LAMA2: variants seen among roughly 807,000 people sequenced by gnomAD.
The protein encoded by LAMA2 is laminin subunit alpha-2.
Under a neutral mutation model 364.8 loss-of-function variants are expected in LAMA2, and 269 were observed. That is an observed-to-expected ratio of 0.74 (90% CI 0.67 to 0.82). LAMA2 has a LOEUF of 0.82. Ranked by LOEUF, LAMA2 falls within the 40% of genes least tolerant of loss-of-function variation. The pLI is 0.00. For missense variants in LAMA2, 3,807 were observed against 3,873.2 expected (o/e 0.98, Z 0.45); for synonymous variants, 1,379 against 1,370.6 (o/e 1.01, Z -0.14).
chr6:129,049,014 A>G (rs1036927157), intron 1 of LAMA2, among the ~76,000 whole-genome samples: 7 of 152,184 alleles, frequency 4.6e-5, no homozygotes, highest in Non-Finnish European at 1.0e-4. Context: ...CTCCATAAAT[A>G]GAGTCAAATT....
At chr6:129,475,016 C>T (rs1362385731) in intron 52 of LAMA2, among the ~76,000 whole-genome samples, 1 of 152,068 alleles carries the variant, frequency 6.6e-6, no homozygotes, top group African/African-American at 2.4e-5. Context: ...TTTTTACATG[C>T]ATTGTTAAGC....
At chr6:129,475,299 G>T (rs1169360529) in intron 52 of LAMA2, 91 bp from the exon 53 acceptor site, 5 of 793,100 alleles carry the variant, frequency 6.3e-6, no homozygotes, top group Non-Finnish European at 1.0e-5. Context: ...AAAGATTTAT[G>T]ATTAAAGTTT....
chr6:129,505,339 C>T lies in LAMA2; in HGVS notation c.8687C>T (p.Thr2896Ile), dbSNP rs2114901204. Residue 2896 changes from threonine to isoleucine, a missense_variant, in exon 61 of 65, where the codon ACC (threonine) becomes ATC (isoleucine). This residue lies in a region of LAMA2 where 3,333 missense variants were observed against 3,345.7 expected (regional missense o/e 1.00). Coordinates refer to ENST00000421865, the MANE Select transcript of LAMA2 (RefSeq NM_000426.4). ...YVGGLPINYTTRRIGPVTYSI... is the reference protein window; with the variant it reads ...YVGGLPINYTIRRIGPVTYSI... ...GGTGGGTTACCCATCAACTACACTA[C>T]CCGAAGAATTGGTCCAGTAAATATC... 1 of 1,613,198 alleles carries T rather than the reference C, an allele frequency of 6.2e-7. No homozygotes were observed. The highest frequency in any genetic ancestry group is 2.2e-5 in the East Asian group (1 of 44,844).
At chr6:129,250,075 C>G (rs1365591633) in intron 12 of LAMA2, 37 bp from the exon 13 acceptor site, 2 of 1,202,526 alleles carry the variant, frequency 1.7e-6, no homozygotes, top group Non-Finnish European at 2.5e-6. Context: ...TAGCCCATCT[C>G]CTATCCCGTA....
At chr6:128,906,024 C>T (rs1389289616) in intron 1 of LAMA2, among the ~76,000 whole-genome samples, 4 of 149,800 alleles carry the variant, frequency 2.7e-5, no homozygotes, top group Admixed American at 2.0e-4. Context: ...TTTCTTAATC[C>T]AGTCTATCGT....
chr6:129,488,733 C>T (rs1307767294), intron 56 of LAMA2, among the ~76,000 whole-genome samples: 3 of 152,146 alleles, frequency 2.0e-5, no homozygotes, highest in Admixed American at 6.5e-5. Context: ...ATGGCTCATT[C>T]GGCACTCTAA....
intron 12 of LAMA2, among the ~76,000 whole-genome samples, chr6:129,219,944 A>G (rs1168908250): frequency 6.6e-6 from 1 of 151,870 alleles, no homozygotes; most frequent in Non-Finnish European, 1.5e-5. Context: ...CATGGTGCAC[A>G]TGTACCCTAA....
Position 128,890,570 on chromosome 6 carries a change from T to C in LAMA2, c.112+7213T>C, listed in dbSNP as rs568447914. ...ACACACACACACACACACACACACATGCTGCTTATTACTATGTAGACATAT... is the reference window on the plus strand; with the variant it reads ...ACACACACACACACACACACACACACGCTGCTTATTACTATGTAGACATAT... On this transcript the variant is annotated intron_variant, in intron 1 of 64. Transcript: ENST00000421865. 2.1e-4 allele frequency among the ~76,000 whole-genome samples: 27 copies of C among 127,678 alleles called. No individual in the cohort carries two copies. The East Asian group carries it at 2.4e-3, about 11-fold the overall frequency. The allele number at this position is 127,678 out of a possible 152,430, so 83.8% of individuals were successfully genotyped here. A position where few individuals can be genotyped will look rare whatever the true frequency, so the allele number is the denominator to read the frequency against.
chr6:129,098,311 C>G lies in LAMA2; in HGVS notation c.535C>G (p.Leu179Val), dbSNP rs1456652809. The G allele has an allele frequency of 5.0e-6, 8 of 1,614,072 alleles. No individual in the cohort carries two copies. The African/African-American group carries it at 5.3e-5, about 11-fold the overall frequency. The change falls in exon 4 of 65, where the codon CTT becomes GTT. Residue 179 changes from leucine to valine, a missense_variant. Around this residue, in one of 3 missense-constraint regions of LAMA2, gnomAD observed 394 missense variants for 403.5 expected, o/e 0.98. Coordinates refer to ENST00000421865, the MANE Select transcript of LAMA2 (RefSeq NM_000426.4). ...HAVTDTECLT[L>V]YNIYPRTGPP... ...TGTGACAGACACGGAGTGCCTAACG[C>G]TTTACAATATTTATCCCCGCACTGG...
At chr6:129,156,076 G>T (rs1779095792) in intron 8 of LAMA2, among the ~76,000 whole-genome samples, 1 of 151,656 alleles carries the variant, frequency 6.6e-6, no homozygotes, top group South Asian at 2.1e-4. Context: ...AATGCTGAGA[G>T]TAGATTTTAA....
At chr6:128,925,279 A>G (rs1779014362) in intron 1 of LAMA2, among the ~76,000 whole-genome samples, 2 of 152,224 alleles carry the variant, frequency 1.3e-5, no homozygotes, top group Admixed American at 1.3e-4. Flanking sequence ...TTGACAGACG[A>G]ATAGATAAAT....
intron 17 of LAMA2, among the ~76,000 whole-genome samples, chr6:129,278,745 C>G (rs565624967): frequency 1.3e-5 from 2 of 152,102 alleles, no homozygotes; most frequent in African/African-American, 4.8e-5. Context: ...TTCAAAGCAT[C>G]CCAGACCAGC....
chr6:129,022,288 G>A (rs1785494553), intron 1 of LAMA2, among the ~76,000 whole-genome samples: 1 of 152,142 alleles, frequency 6.6e-6, no homozygotes, highest in Non-Finnish European at 1.5e-5. Context: ...TTAAGGCTGA[G>A]ATTCTATTTT....
chr6:129,065,476 T>C (rs1020267695), intron 3 of LAMA2, among the ~76,000 whole-genome samples: 8 of 152,182 alleles, frequency 5.3e-5, no homozygotes, highest in Admixed American at 1.3e-4. Context: ...GTGTCTCTTT[T>C]TGCAGATGAC....
chr6:128,900,391 G>A (rs926995475), intron 1 of LAMA2, among the ~76,000 whole-genome samples: 2 of 152,170 alleles, frequency 1.3e-5, no homozygotes, highest in African/African-American at 4.8e-5. Flanking sequence ...TTACTGCATA[G>A]CACAGTGCCT....
In LAMA2 at chr6:129,460,671, AT is replaced by A. The variant is rs200358695; in HGVS notation, c.6992+356del. Among the ~76,000 whole-genome samples the A allele has an allele frequency of 2.0e-3, 300 of 151,346 alleles. 6 individuals are homozygous for A. In the East Asian group the frequency reaches 0.042, roughly 21 times the overall value. ...TGTCTGTGAGTACCTCATTGTTATA[AT>A]TTTTTTTTCCTAAAGAGAGCTTTCC... On this transcript the variant is annotated intron_variant, in intron 49 of 64. Transcript: ENST00000421865.
chr6:129,480,553 GTGAA>G (rs201815731), intron 54 of LAMA2, among the ~76,000 whole-genome samples: 8 of 152,182 alleles, frequency 5.3e-5, no homozygotes, highest in East Asian at 1.9e-4. Flanking sequence ...TTGTGAAAGA[GTGAA>G]TGAATGAATG....
Position 129,516,344 on chromosome 6 carries a change from CTAATAAAAA to C in LAMA2, c.*1_*9del. 1 of 1,613,796 alleles carries C rather than the reference CTAATAAAAA, an allele frequency of 6.2e-7. No homozygotes were observed. The highest frequency in any genetic ancestry group is 8.5e-7 in the Non-Finnish European group (1 of 1,179,854). Reference sequence around the variant, plus strand: ...TTCAACCTGTATCATGCCCAGCCAACTAATAAAAATAAGTGTAACCCCAGGAAGAGTCTG... The same window carrying C: ...TTCAACCTGTATCATGCCCAGCCAACTAAGTGTAACCCCAGGAAGAGTCTG... On this transcript the variant is annotated stop_retained_variant and 3_prime_UTR_variant, in exon 65 of 65. Coordinates refer to ENST00000421865, the MANE Select transcript of LAMA2 (RefSeq NM_000426.4).
chr6:129,397,854 G>T (rs2114684713), intron 37 of LAMA2, among the ~76,000 whole-genome samples: 1 of 150,742 alleles, frequency 6.6e-6, no homozygotes, highest in Middle Eastern at 3.5e-3. Flanking sequence ...GGAGAATGGT[G>T]TGAACCTGGG....
Sources: allele counts gnomAD v4.1 joint callset (sites outside exome capture counted in the v4.1 genomes callset), GRCh38; gene constraint gnomAD v4.1.1; regional missense constraint gnomAD v4.1.1; transcripts MANE v1.5; gene names NCBI Gene and HGNC (gene_info 2026-07-23, HGNC 2026-07-21).